Variants in TBC1D1 observed in about 807,000 individuals in gnomAD.
The protein encoded by TBC1D1 is TBC1 domain family member 1.
In TBC1D1, 89 loss-of-function variants were observed where a neutral mutation model predicts 125.6. The ratio of observed to expected loss-of-function variants is 0.71; its 90% CI spans 0.60 to 0.85. The LOEUF is 0.85. Among genes scored for constraint, TBC1D1 ranks in the 40% least tolerant of loss-of-function variants. The pLI is 0.00. For missense variants in TBC1D1, 1,377 were observed against 1,469.2 expected (o/e 0.94, Z 1.03); for synonymous variants, 565 against 564.1 (o/e 1.00, Z -0.02).
At chr4:38,069,772 T>TG (rs1395399987) in intron 12 of TBC1D1, among the ~76,000 whole-genome samples, 5 of 151,828 alleles carry the variant, frequency 3.3e-5, no homozygotes, top group Non-Finnish European at 7.4e-5. Context: ...CAGGGAGAGG[T>TG]GGGGGAAGTA....
At chr4:37,959,234 C>T (rs919305883) in intron 2 of TBC1D1, among the ~76,000 whole-genome samples, 5 of 151,978 alleles carry the variant, frequency 3.3e-5, no homozygotes, top group Non-Finnish European at 4.4e-5. Flanking sequence ...AAAGCTTAAC[C>T]GATAGTCTTC....
chr4:38,133,380 T>C, intron 19 of TBC1D1, 123 bp downstream of exon 21: 2 of 810,426 alleles, frequency 2.5e-6, no homozygotes, highest in East Asian at 2.7e-5. Context: ...CTGATCTGTT[T>C]ATAGTTGGGA....
chr4:38,016,164 C>T (rs570541856), intron 3 of TBC1D1, among the ~76,000 whole-genome samples: 1 of 152,312 alleles, frequency 6.6e-6, no homozygotes, highest in East Asian at 1.9e-4. Flanking sequence ...AAATAATTAT[C>T]TAATTATAAT....
chr4:38,059,665 T>C (rs560398627), intron 12 of TBC1D1, among the ~76,000 whole-genome samples: 1 of 152,234 alleles, frequency 6.6e-6, no homozygotes, highest in East Asian at 1.9e-4. Flanking sequence ...AGGCAGAGGG[T>C]GGCGTTAGCG....
intron 7 of TBC1D1, among the ~76,000 whole-genome samples, chr4:38,029,193 T>C (rs1309715011): frequency 6.6e-6 from 1 of 151,956 alleles, no homozygotes; most frequent in African/African-American, 2.4e-5. Flanking sequence ...AATAAATATC[T>C]CCTTTTGAGG....
chr4:38,053,457 C>G (rs780851595), intron 11 of TBC1D1, among the ~76,000 whole-genome samples: 1 of 152,180 alleles, frequency 6.6e-6, no homozygotes, highest in Non-Finnish European at 1.5e-5. Flanking sequence ...TAAGAAAAGT[C>G]TTTGCCAAGT....
intron 2 of TBC1D1, among the ~76,000 whole-genome samples, chr4:37,953,084 A>G (rs1728216818): frequency 6.6e-6 from 1 of 152,180 alleles, no homozygotes. Flanking sequence ...TTCCTCTCCC[A>G]CTGTGGCATG....
chr4:37,960,565 G>C (rs6811863), intron 2 of TBC1D1: 958,357 of 1,613,780 alleles, frequency 0.59, 290,836 homozygotes, highest in East Asian at 0.96. Flanking sequence ...GTTTTAACAC[G>C]ACGTTTTGGC....
intron 17 of TBC1D1, among the ~76,000 whole-genome samples, chr4:38,121,134 G>C (rs182860694): frequency 1.8e-3 from 269 of 152,316 alleles, no homozygotes; most frequent in Admixed American, 5.4e-3. Flanking sequence ...TGTCTGTGCT[G>C]TTGTTCTGCA....
chr4:38,014,596 T>C lies in TBC1D1; in HGVS notation c.505T>C (p.Phe169Leu). The C allele has an allele frequency of 1.2e-6, 2 of 1,613,250 alleles. No homozygotes were observed. Among genetic ancestry groups the C allele is most frequent in the Non-Finnish European group, 8.5e-7 (1 of 1,179,992 alleles). The change falls in exon 3 of 20, where the codon TTT becomes CTT. Residue 169 changes from phenylalanine to leucine, a missense_variant. Phe to Leu is a conservative substitution (Grantham distance 22). This residue lies in a region of TBC1D1 where 822 missense variants were observed against 824.6 expected (regional missense o/e 1.00). Coordinates refer to ENST00000261439, the MANE Select transcript of TBC1D1 (RefSeq NM_015173.4). The surrounding 1 kb of genome is among the most constrained non-coding windows in gnomAD (Gnocchi z 5.1). ...CTGCCCGTCCGAGTTCGACGACACG[T>C]TTTCCAAGAAGTTCGAGGTGCTCTT...
Position 37,903,667 on chromosome 4 carries a change from G to A in TBC1D1, c.417+1155G>A, listed in dbSNP as rs530550156. Among the ~76,000 whole-genome samples the A allele has an allele frequency of 3.3e-5, 5 of 152,238 alleles. No individual in the cohort carries two copies. In the South Asian group the frequency reaches 6.2e-4, roughly 19 times the overall value. On this transcript the variant is annotated intron_variant, in intron 2 of 19. Transcript: ENST00000261439. ...ACCTTATTTAGAAATTAATATTCTTGGTATCAAGTAGATGCCCTTTTGCTT... is the reference window on the plus strand; with the variant it reads ...ACCTTATTTAGAAATTAATATTCTTAGTATCAAGTAGATGCCCTTTTGCTT...
At chr4:37,905,443 G>A (rs1717110598) in intron 2 of TBC1D1, among the ~76,000 whole-genome samples, 1 of 152,144 alleles carries the variant, frequency 6.6e-6, no homozygotes. Flanking sequence ...AAATTGAGAA[G>A]CAAAAGGACG....
rs187884528 is a variant in TBC1D1, at chr4:38,100,992, G to A, written c.2399-2007G>A. On this transcript the variant is annotated intron_variant, in intron 14 of 19. Coordinates refer to ENST00000261439, the MANE Select transcript of TBC1D1 (RefSeq NM_015173.4). ...CTGGGCTGTCACTCACCGGCCTAAT[G>A]ACCTAGGGCAAGGGACCTGTTCTCA... Among the ~76,000 whole-genome samples, 24 of 152,274 alleles carry A rather than the reference G, an allele frequency of 1.6e-4. No homozygotes were observed. The East Asian group carries it at 4.4e-3, about 28-fold the overall frequency.
chr4:37,934,432 G>A (rs1358787071), intron 2 of TBC1D1, among the ~76,000 whole-genome samples: 4 of 152,154 alleles, frequency 2.6e-5, no homozygotes, highest in African/African-American at 7.2e-5. Context: ...GCTTGAAAAC[G>A]GGAGGGAGCG....
At chr4:37,915,515 GC>G (rs1719543233) in intron 2 of TBC1D1, among the ~76,000 whole-genome samples, 1 of 152,110 alleles carries the variant, frequency 6.6e-6, no homozygotes, top group African/African-American at 2.4e-5. Context: ...ATTTAACCTT[GC>G]TCTGTCTTTT....
At chr4:37,929,833 T>C (rs2152286869) in intron 2 of TBC1D1, among the ~76,000 whole-genome samples, 1 of 152,262 alleles carries the variant, frequency 6.6e-6, no homozygotes, top group East Asian at 1.9e-4. Flanking sequence ...AACTTTTCTT[T>C]TGGTCAGGGG....
At chr4:38,048,055 C>T (rs1749820612) in intron 10 of TBC1D1, among the ~76,000 whole-genome samples, 1 of 152,202 alleles carries the variant, frequency 6.6e-6, no homozygotes, top group African/African-American at 2.4e-5. Flanking sequence ...TTTCTAGAGT[C>T]ATTCTAAGAG....
chr4:38,038,736 A>G (rs1747704867), intron 8 of TBC1D1, among the ~76,000 whole-genome samples: 1 of 152,150 alleles, frequency 6.6e-6, no homozygotes, highest in South Asian at 2.1e-4. Flanking sequence ...TCATGAGGTC[A>G]GGAGATTGAG....
chr4:37,901,255 C>T (rs113249810), intron 1 of TBC1D1, among the ~76,000 whole-genome samples: 2 of 151,832 alleles, frequency 1.3e-5, no homozygotes, highest in African/African-American at 4.8e-5. Context: ...CTCCTGGATT[C>T]AAGCAATTCT....
Sources: allele counts gnomAD v4.1 joint callset (sites outside exome capture counted in the v4.1 genomes callset), GRCh38; gene constraint gnomAD v4.1.1; regional missense constraint gnomAD v4.1.1; non-coding constraint Gnocchi (gnomAD v3.1); transcripts MANE v1.5; gene names NCBI Gene and HGNC (gene_info 2026-07-23, HGNC 2026-07-21).